The following COL6A5 variants were observed in gnomAD, a reference collection of about 807,000 sequenced individuals.
The protein encoded by COL6A5 is collagen type VI alpha 5 chain, also known as collagen alpha-5(VI) chain.
Under a neutral mutation model 65.6 loss-of-function variants are expected in COL6A5, and 48 were observed. That is an observed-to-expected ratio of 0.73 (90% CI 0.58 to 0.93). The LOEUF (loss-of-function observed/expected upper bound fraction) is 0.93. Among genes scored for constraint, COL6A5 ranks in the 40% least tolerant of loss-of-function variants. COL6A5 has a pLI of 0.00. For synonymous variants in COL6A5, 291 were observed against 322.8 expected (o/e 0.90, Z 1.05); for missense variants, 914 against 928.3 (o/e 0.98, Z 0.20).
chr3:130,460,753 ATAT>A (rs1473942996), intron 5 of COL6A5, among the ~76,000 whole-genome samples: 3 of 151,174 alleles, frequency 2.0e-5, no homozygotes, highest in Non-Finnish European at 4.4e-5. Flanking sequence ...GGTGGTGGTA[ATAT>A]TGGTGGTGGT....
intron 1 of COL6A5, among the ~76,000 whole-genome samples, chr3:130,359,155 G>C (rs1360873687): frequency 6.6e-6 from 1 of 152,062 alleles, no homozygotes; most frequent in Non-Finnish European, 1.5e-5. Context: ...CAGTTAATAT[G>C]ATTATTAATA....
At chr3:130,455,771 T>G in intron 5 of COL6A5, 105 bp downstream of exon 37, 1 of 887,258 alleles carries the variant, frequency 1.1e-6, no homozygotes, top group Non-Finnish European at 1.7e-6. Flanking sequence ...CTAAAGCAAC[T>G]TTTTTTAAAG....
intron 2 of COL6A5, 43 bp from the exon 35 acceptor site, chr3:130,440,123 G>T (rs1251117941): frequency 1.3e-6 from 2 of 1,513,482 alleles, no homozygotes; most frequent in Non-Finnish European, 1.8e-6. Flanking sequence ...TGTCTTGTTG[G>T]GTCAGTGTTG....
chr3:130,439,566 T>G, exon 2 of COL6A5: 1 of 1,551,228 alleles, frequency 6.4e-7, no homozygotes, highest in Non-Finnish European at 8.7e-7. Context: ...TTCCTCCAAA[T>G]GGGGAAAATC....
At position 130,455,625 on chromosome 3, in the gene COL6A5, A is replaced by G. The variant is rs200473561; in HGVS notation, c.1505A>G (p.Glu502Gly). 7.9e-5 allele frequency: 128 copies of G among 1,613,048 alleles called. No homozygotes were observed. The highest frequency in any genetic ancestry group is 1.0e-4 in the Non-Finnish European group (121 of 1,179,492). The change falls in exon 5 of 8, where the codon GAA becomes GGA. Residue 502 changes from glutamate to glycine, a missense_variant. By Grantham distance (98) the Glu-to-Gly change is moderately conservative. Coordinates refer to ENST00000512836, the Ensembl canonical transcript of COL6A5. ...CCACAAAAATTAATGATCAATTATG[A>G]AAAAGATCAAAAATCTGCAGAAATT...
intron 12 of COL6A5, among the ~76,000 whole-genome samples, chr3:130,402,247 C>A (rs866354283): frequency 5.5e-4 from 83 of 152,064 alleles, no homozygotes; most frequent in African/African-American, 1.9e-3. Flanking sequence ...CCAGCCAGGG[C>A]AACATAACGA....
chr3:130,364,950 T>A (rs1219727385), intron 1 of COL6A5, among the ~76,000 whole-genome samples: 1 of 152,234 alleles, frequency 6.6e-6, no homozygotes, highest in Non-Finnish European at 1.5e-5. Flanking sequence ...ACCTGAAAAG[T>A]CGAGGGATTG....
At chr3:130,482,402 A>G (rs184263002) in intron 7 of COL6A5, among the ~76,000 whole-genome samples, 14 of 152,250 alleles carry the variant, frequency 9.2e-5, no homozygotes, top group African/African-American at 1.2e-4. Flanking sequence ...CCATTGGTCT[A>G]TATATCTGTG....
intron 5 of COL6A5, among the ~76,000 whole-genome samples, chr3:130,459,435 C>A (rs1214493629): frequency 1.3e-5 from 2 of 152,082 alleles, no homozygotes; most frequent in African/African-American, 2.4e-5. Context: ...CTGGGAGCAG[C>A]TCTACCCTAC....
At chr3:130,386,088 A>C (rs1303989248) in intron 5 of COL6A5, among the ~76,000 whole-genome samples, 1 of 152,024 alleles carries the variant, frequency 6.6e-6, no homozygotes, top group African/African-American at 2.4e-5. Flanking sequence ...ACCACTTACT[A>C]GTTCAAGATG....
intron 1 of COL6A5, among the ~76,000 whole-genome samples, chr3:130,439,131 G>A (rs1289996782): frequency 6.6e-6 from 1 of 152,108 alleles, no homozygotes; most frequent in African/African-American, 2.4e-5. Context: ...TCAAAAGCTG[G>A]CATGTGGTGT....
chr3:130,375,765 G>T lies in COL6A5; in HGVS notation c.68-472G>T, dbSNP rs139699747. Among the ~76,000 whole-genome samples, 878 of 152,206 alleles carry T rather than the reference G, an allele frequency of 5.8e-3. 8 individuals are homozygous for T. Among genetic ancestry groups the T allele is most frequent in the African/African-American group, 0.02 (810 of 41,528 alleles). ...CTTCACATGGTAGCAGTAGAGAGAA[G>T]TGCCAAGCAAAAGGGGAAAAGCCAT... is the stretch of plus-strand genomic sequence containing the variant. On this transcript the variant is annotated intron_variant and NMD_transcript_variant, in intron 2 of 41. Coordinates refer to the COL6A5 transcript ENST00000312481.
chr3:130,406,266 A>T lies in COL6A5; in HGVS notation c.4426-2A>T. On this transcript the variant is annotated splice_acceptor_variant and NMD_transcript_variant, in intron 16 of 41. Transcript: ENST00000312481. The stretch of plus-strand genomic sequence containing the variant: ...AATTTTGTTTTTCTTGTCTTCTTTT[A>T]GGGCTGTCATGGATTTCCTGGAATA... 3 of 1,550,640 alleles carry T rather than the reference A, an allele frequency of 1.9e-6. No individual in the cohort carries two copies. In the South Asian group the frequency reaches 3.6e-5, roughly 18 times the overall value.
chr3:130,374,097 A>G (rs1244607066), intron 2 of COL6A5, among the ~76,000 whole-genome samples: 1 of 152,180 alleles, frequency 6.6e-6, no homozygotes, highest in Non-Finnish European at 1.5e-5. Flanking sequence ...TTCCTTTTAC[A>G]AGCATGAAAT....
chr3:130,400,923 C>T (rs1936792171), intron 10 of COL6A5, 108 bp from the exon 11 acceptor site: 1 of 920,658 alleles, frequency 1.1e-6, no homozygotes, highest in Non-Finnish European at 1.5e-6. Flanking sequence ...TTGTTTTTTT[C>T]CCCTTTTCAA....
chr3:130,355,137 G>A (rs1006078996), intron 1 of COL6A5, among the ~76,000 whole-genome samples: 1 of 151,998 alleles, frequency 6.6e-6, no homozygotes, highest in African/African-American at 2.4e-5. Context: ...TAGTGCTGAT[G>A]TGGGTTGCTT....
At chr3:130,482,560 G>GT (rs1710278688) in intron 7 of COL6A5, among the ~76,000 whole-genome samples, 1 of 152,056 alleles carries the variant, frequency 6.6e-6, no homozygotes, top group South Asian at 2.1e-4. Context: ...ATTTAAAGTA[G>GT]TTTTTTTCTA....
chr3:130,362,082 AT>A (rs566478639), intron 1 of COL6A5, among the ~76,000 whole-genome samples: 39 of 150,932 alleles, frequency 2.6e-4, no homozygotes, highest in Admixed American at 8.6e-4. Flanking sequence ...TTCATTAATT[AT>A]TTTTTTTCAT....
At position 130,409,988 on chromosome 3, in the gene COL6A5, C is replaced by T. The variant is rs1169806771; in HGVS notation, c.4543-21C>T. On this transcript the variant is annotated intron_variant and NMD_transcript_variant, in intron 18 of 41. Transcript: ENST00000312481. The stretch of plus-strand genomic sequence containing the variant: ...GCTGATATTTCTGGATTCTAAACTA[C>T]TTTTAAAAATCTTTCTCTAGGGTAA... 7 of 1,511,688 alleles carry T rather than the reference C, an allele frequency of 4.6e-6. No homozygotes were observed. The South Asian group carries it at 8.5e-5, about 18-fold the overall frequency. The allele number at this position is 1,511,688 out of a possible 1,614,324, so 93.6% of individuals were successfully genotyped here.
Sources: allele counts gnomAD v4.1 joint callset (sites outside exome capture counted in the v4.1 genomes callset), GRCh38; gene constraint gnomAD v4.1.1; transcripts MANE v1.5; gene names NCBI Gene and HGNC (gene_info 2026-07-23, HGNC 2026-07-21).